The following HUS1 variants were observed in gnomAD, a reference collection of about 807,000 sequenced individuals.
HUS1 encodes checkpoint protein HUS1.
In HUS1, 31 loss-of-function variants were observed where a neutral mutation model predicts 32.6. The observed-to-expected ratio is 0.95, with a 90% CI of 0.72 to 1.28. The LOEUF (loss-of-function observed/expected upper bound fraction) is 1.28. HUS1 is among the 50% of genes most tolerant of loss of function. HUS1 has a pLI of 0.00. For missense variants in HUS1, 340 were observed against 337.7 expected (o/e 1.01, Z -0.05); for synonymous variants, 123 against 116.6 (o/e 1.06, Z -0.36).
At chr7:47,975,957 C>G (rs564128917) in intron 4 of HUS1, among the ~76,000 whole-genome samples, 1 of 152,284 alleles carries the variant, frequency 6.6e-6, no homozygotes, top group South Asian at 2.1e-4. Context: ...TCTTTTGGCT[C>G]AAGAAGGAAT....
At chr7:47,976,514 G>C in intron 4 of HUS1, 1 of 608,708 alleles carries the variant, frequency 1.6e-6, no homozygotes, top group Non-Finnish European at 3.1e-6. Context: ...TGATGTTACT[G>C]AGCGAGACAT....
At position 47,965,382 on chromosome 7, in the gene HUS1, G is replaced by T; in HGVS notation, c.817C>A (p.Gln273Lys). Residue 273 changes from glutamine to lysine, a missense_variant, in exon 8 of 8, where the codon CAG (glutamine) becomes AAG (lysine). Coordinates refer to ENST00000258774, the MANE Select transcript of HUS1 (RefSeq NM_004507.4). ...TAGGACAGCGCAGGGATGAAATACT[G>T]AAGGGACACGTCTTCATGAAGCAGA... ...FDLLHEDVSLQYFIPALS is the reference protein window; with the variant it reads ...FDLLHEDVSLKYFIPALS The T allele has an allele frequency of 6.2e-7, 1 of 1,613,328 alleles. No individual in the cohort carries two copies. The highest frequency in any genetic ancestry group is 8.5e-7 in the Non-Finnish European group (1 of 1,179,264).
chr7:47,970,505 CAA>C (rs1265587916), intron 5 of HUS1, among the ~76,000 whole-genome samples: 3 of 151,290 alleles, frequency 2.0e-5, no homozygotes, highest in African/African-American at 7.3e-5. Flanking sequence ...CAAACAGAAA[CAA>C]AGAGTTAAAA....
chr7:47,976,520 G>GA, intron 4 of HUS1: 2 of 618,620 alleles, frequency 3.2e-6, no homozygotes, highest in Non-Finnish European at 6.0e-6. Context: ...TACTGAGCGA[G>GA]ACATTTTCTA....
chr7:47,965,248 G>A lies in HUS1; in HGVS notation c.*108C>T. ...TTAGAGAGGGACAAATAAGTACAGTGTGTCGATGTGCGGTGCTGTGAGGGC... is the reference window on the plus strand; with the variant it reads ...TTAGAGAGGGACAAATAAGTACAGTATGTCGATGTGCGGTGCTGTGAGGGC... On this transcript the variant is annotated 3_prime_UTR_variant, in exon 8 of 8. Coordinates refer to ENST00000258774, the MANE Select transcript of HUS1 (RefSeq NM_004507.4). 1.4e-6 allele frequency: 1 copy of A among 721,188 alleles called. No individual in the cohort carries two copies. The highest frequency in any genetic ancestry group is 2.5e-6 in the Non-Finnish European group (1 of 396,908). The allele number at this position is 721,188 out of a possible 1,614,324, so 44.7% of individuals were successfully genotyped here. A position where few individuals can be genotyped will look rare whatever the true frequency, so the allele number is the denominator to read the frequency against.
In HUS1 at chr7:47,975,629, T is replaced by G. The variant is rs901600537; in HGVS notation, c.524A>C (p.Asn175Thr). ...GTGACTTACAAGGTGATTGCTGATG[T>G]TTTTCATTTTTTCCACAACACTCTT... Reference protein sequence around the residue: ...TMKSVVEKMKNISNHLVIEAN... With the variant: ...TMKSVVEKMKTISNHLVIEAN... The change falls in exon 5 of 8, where the codon AAC (asparagine) becomes ACC (threonine). Residue 175 changes from asparagine to threonine, a missense_variant. By Grantham distance (65) the Asn-to-Thr change is moderately conservative (BLOSUM62 0). Coordinates refer to ENST00000258774, the MANE Select transcript of HUS1 (RefSeq NM_004507.4). 14 of 1,603,610 alleles carry G rather than the reference T, an allele frequency of 8.7e-6. No individual in the cohort carries two copies. Among genetic ancestry groups the G allele is most frequent in the Non-Finnish European group, 1.0e-5 (12 of 1,171,078 alleles).
rs1240397011 is a variant in HUS1 at position 47,964,057 on chromosome 7, A to G, written c.*1299T>C. 1.3e-5 allele frequency: 2 copies of G among 152,236 alleles called. No individual in the cohort carries two copies. Among genetic ancestry groups the G allele is most frequent in the South Asian group, 2.1e-4 (1 of 4,834 alleles). The allele number at this position is 152,236 out of a possible 1,614,324, so 9.4% of individuals were successfully genotyped here. A position where few individuals can be genotyped will look rare whatever the true frequency, so the allele number is the denominator to read the frequency against. Reference sequence around the variant, plus strand: ...AATTTCATTTTATCCTAAGCAACTTAGGTCTCAGTTTTGTAATGTGACATT... The same window carrying G: ...AATTTCATTTTATCCTAAGCAACTTGGGTCTCAGTTTTGTAATGTGACATT... On this transcript the variant is annotated 3_prime_UTR_variant, in exon 8 of 8. Coordinates refer to ENST00000258774, the MANE Select transcript of HUS1 (RefSeq NM_004507.4).
intron 5 of HUS1, chr7:47,971,580 C>G (rs1444599087): frequency 4.4e-6 from 2 of 456,210 alleles, no homozygotes; most frequent in Admixed American, 2.4e-5. Flanking sequence ...GGTCCACTCC[C>G]GCACCTACAA....
rs1327704631 is a variant in HUS1, at chr7:47,967,840, A to G, written c.726T>C (p.Ala242=). 2.5e-6 allele frequency: 4 copies of G among 1,614,070 alleles called. No homozygotes were observed. Among genetic ancestry groups the G allele is most frequent in the East Asian group, 2.2e-5 (1 of 44,884 alleles). ...CCTTTGTGGGATTTACTTGTTGTCC[A>G]GCAAGAAACTGTAGGAGCTTCCTAA... ...IDIRKLLQFL[A]GQQVNPTKAL... Residue 242 remains alanine (A), a synonymous_variant, in exon 7 of 8, where the codon GCT becomes GCC. Coordinates refer to ENST00000258774, the MANE Select transcript of HUS1 (RefSeq NM_004507.4).
chr7:47,978,660 G>A (rs759215166), intron 2 of HUS1, 29 bp downstream of exon 2: 35 of 1,613,740 alleles, frequency 2.2e-5, no homozygotes, highest in Non-Finnish European at 3.0e-5. Flanking sequence ...TCTGCAGAGT[G>A]TGCAGGCCTC....
chr7:47,976,731 T>C lies in HUS1; in HGVS notation c.464A>G (p.Asp155Gly), dbSNP rs1788711451. 6.3e-7 allele frequency: 1 copy of C among 1,579,848 alleles called. No homozygotes were observed. The highest frequency in any genetic ancestry group is 1.1e-5 in the South Asian group (1 of 90,382). Residue 155 changes from aspartate to glycine, a missense_variant and splice_region_variant, in exon 4 of 8, where the codon GAT becomes GGT. By Grantham distance (94) the Asp-to-Gly change is moderately conservative. Coordinates refer to ENST00000258774, the MANE Select transcript of HUS1 (RefSeq NM_004507.4). ...AGCAGGACTGCAGGCATCACCTACA[T>C]CAGGATCTGGGACCACCGGTTCTTG... ...DLQEPVVPDP[D>G]VSIYLPVLKT...
At chr7:47,967,424 C>A (rs2280537) in intron 7 of HUS1, among the ~76,000 whole-genome samples, 15,037 of 152,244 alleles carry the variant, frequency 0.099, 881 homozygotes, top group South Asian at 0.2. Context: ...TAAATCCAAG[C>A]CAAACCGTGT....
intron 5 of HUS1, among the ~76,000 whole-genome samples, chr7:47,974,633 T>C (rs187306932): frequency 6.6e-6 from 1 of 152,064 alleles, no homozygotes; most frequent in East Asian, 1.9e-4. Flanking sequence ...TTTTAGAAGA[T>C]TCAGGGACAT....
intron 4 of HUS1, among the ~76,000 whole-genome samples, 191 bp from the exon 5 acceptor site, chr7:47,975,878 T>G (rs771463319): frequency 6.6e-6 from 1 of 152,190 alleles, no homozygotes; most frequent in Non-Finnish European, 1.5e-5. Context: ...AACTCAAGGA[T>G]GCTCAAGCAA....
At chr7:47,972,912 CA>C (rs1554292572) in intron 5 of HUS1, among the ~76,000 whole-genome samples, 1 of 152,190 alleles carries the variant, frequency 6.6e-6, no homozygotes, top group Non-Finnish European at 1.5e-5. Context: ...TTTGGCTCAG[CA>C]ACCCCACCCA....
intron 5 of HUS1, among the ~76,000 whole-genome samples, chr7:47,973,512 A>T (rs1368514523): frequency 6.6e-6 from 1 of 152,164 alleles, no homozygotes; most frequent in Non-Finnish European, 1.5e-5. Flanking sequence ...AACCCACCCC[A>T]TCAGTCACAC....
At chr7:47,966,893 A>T (rs1028578849) in intron 7 of HUS1, among the ~76,000 whole-genome samples, 4 of 152,158 alleles carry the variant, frequency 2.6e-5, no homozygotes, top group Non-Finnish European at 5.9e-5. Flanking sequence ...TTCTCTGGCG[A>T]TATCTCCTTC....
rs953084693 is a variant in HUS1, at chr7:47,978,507, A to G, written c.267T>C (p.Ser89=). 1.9e-6 allele frequency: 3 copies of G among 1,614,100 alleles called. No homozygotes were observed. The highest frequency in any genetic ancestry group is 2.5e-6 in the Non-Finnish European group (3 of 1,180,034). Residue 89 remains serine, a synonymous_variant, in exon 3 of 8, where the codon TCT becomes TCC. Transcript: ENST00000258774. ...IYLELTSENL[S]RALKTAQNAR... The stretch of plus-strand genomic sequence containing the variant: ...CATTCTGGGCAGTCTTCAAGGCTCG[A>G]GATAAGTTTTCCGATGTTAGCTCTA...
At chr7:47,972,718 C>G (rs1285284366) in intron 5 of HUS1, among the ~76,000 whole-genome samples, 1 of 47,420 alleles carries the variant, frequency 2.1e-5, no homozygotes, top group African/African-American at 5.1e-5. Flanking sequence ...TAGTATCCAG[C>G]ACTAGGGTAC....
Sources: allele counts gnomAD v4.1 joint callset (sites outside exome capture counted in the v4.1 genomes callset), GRCh38; gene constraint gnomAD v4.1.1; transcripts MANE v1.5; gene names NCBI Gene and HGNC (gene_info 2026-07-23, HGNC 2026-07-21).